LDLRAD3: variants seen among roughly 807,000 people sequenced by gnomAD.
LDLRAD3 encodes low density lipoprotein receptor class A domain containing 3.
LDLRAD3 carries 20 observed loss-of-function variants against 29.4 expected under a neutral mutation model. The ratio of observed to expected loss-of-function variants is 0.68; its 90% CI spans 0.48 to 0.99. The LOEUF is 0.99. LDLRAD3 is among the 50% of genes least tolerant of loss of function. The probability of loss-of-function intolerance (pLI) is 0.00; values close to 1 mark genes in which losing one functional copy is unlikely to be tolerated. For missense variants in LDLRAD3, 420 were observed against 454.3 expected, an observed-to-expected ratio of 0.92 and a Z score of 0.69; for synonymous variants, 157 against 192.7, an observed-to-expected ratio of 0.81 and a Z score of 1.53.
At chr11:35,990,509 C>T (rs1043011047) in intron 1 of LDLRAD3, among the ~76,000 whole-genome samples, 1 of 152,048 alleles carries the variant, frequency 6.6e-6, no homozygotes, top group African/African-American at 2.4e-5. Context: ...CCTCTGTCTC[C>T]TGGGTTCAAG....
In LDLRAD3 at chr11:36,229,616, T is replaced by C; in HGVS notation, c.*219T>C. ...TCTGTTGTGCGTCTTTTCTGTCAGG[T>C]CACTCTTCCCTTGGGACCCGAGATC... is the stretch of plus-strand genomic sequence containing the variant. On this transcript the variant is annotated 3_prime_UTR_variant, in exon 6 of 6. Coordinates refer to ENST00000315571, the MANE Select transcript of LDLRAD3 (RefSeq NM_174902.4). 1 of 511,852 alleles carries C rather than the reference T, an allele frequency of 2.0e-6. No individual in the cohort carries two copies. Among genetic ancestry groups the C allele is most frequent in the Non-Finnish European group, 3.5e-6 (1 of 288,624 alleles). The allele number at this position is 511,852 out of a possible 1,614,324, so 31.7% of individuals were successfully genotyped here.
intron 1 of LDLRAD3, among the ~76,000 whole-genome samples, chr11:36,005,867 G>A (rs1851878642): frequency 6.6e-6 from 1 of 152,178 alleles, no homozygotes; most frequent in Admixed American, 6.5e-5. Flanking sequence ...AGGAGAGAGA[G>A]AGCGCGAAGG....
At chr11:35,952,339 A>G (rs1253626943) in intron 1 of LDLRAD3, among the ~76,000 whole-genome samples, 1 of 152,206 alleles carries the variant, frequency 6.6e-6, no homozygotes, top group Non-Finnish European at 1.5e-5. Flanking sequence ...GAATTCCAGC[A>G]TTGCATAGGG....
At chr11:36,094,794 C>T (rs1853334892) in intron 3 of LDLRAD3, among the ~76,000 whole-genome samples, 2 of 152,236 alleles carry the variant, frequency 1.3e-5, no homozygotes, top group East Asian at 3.9e-4. Flanking sequence ...ACCTCAGCCT[C>T]CCAAAGTGCT....
chr11:35,945,382 A>G (rs1383821728), intron 1 of LDLRAD3, among the ~76,000 whole-genome samples: 1 of 152,120 alleles, frequency 6.6e-6, no homozygotes, highest in African/African-American at 2.4e-5. Flanking sequence ...CTGCTCTCAG[A>G]CCCATGACAT....
At chr11:35,986,693 G>C (rs573016626) in intron 1 of LDLRAD3, among the ~76,000 whole-genome samples, 68 of 152,314 alleles carry the variant, frequency 4.5e-4, no homozygotes, top group African/African-American at 1.5e-3. Flanking sequence ...GTTGTTGCCA[G>C]CTCCTCTGTT....
At chr11:36,055,714 A>G (rs969215070) in intron 2 of LDLRAD3, among the ~76,000 whole-genome samples, 7 of 152,244 alleles carry the variant, frequency 4.6e-5, no homozygotes, top group African/African-American at 1.7e-4. Context: ...GGTGCAAAGA[A>G]TGAACTCTTG....
At chr11:36,030,329 T>C (rs192487408) in intron 1 of LDLRAD3, among the ~76,000 whole-genome samples, 93 of 152,318 alleles carry the variant, frequency 6.1e-4, no homozygotes, top group Non-Finnish European at 8.4e-4. Flanking sequence ...CTGATGCTAC[T>C]GTGTGGAGCA....
chr11:35,997,930 A>G (rs1384723870), intron 1 of LDLRAD3, among the ~76,000 whole-genome samples: 2 of 152,114 alleles, frequency 1.3e-5, no homozygotes, highest in Non-Finnish European at 2.9e-5. Context: ...TTGGCTGAAG[A>G]TGTCGGGTTT....
At chr11:35,957,539 G>T in intron 1 of LDLRAD3, among the ~76,000 whole-genome samples, 1 of 152,164 alleles carries the variant, frequency 6.6e-6, no homozygotes, top group East Asian at 1.9e-4. Flanking sequence ...GCTCATGCCT[G>T]TTATCCCAGC....
intron 4 of LDLRAD3, chr11:36,183,963 CTTTTTTT>C (rs547281058): frequency 9.1e-6 from 2 of 220,614 alleles, no homozygotes; most frequent in South Asian, 4.1e-5. Flanking sequence ...TATATTTCAT[CTTTTTTT>C]TTTTTTTTTT....
At chr11:36,033,120 G>A (rs575900986) in intron 1 of LDLRAD3, among the ~76,000 whole-genome samples, 4 of 152,168 alleles carry the variant, frequency 2.6e-5, no homozygotes, top group East Asian at 3.9e-4. Flanking sequence ...TGATCCACCC[G>A]CCTCGGCCTC....
intron 1 of LDLRAD3, among the ~76,000 whole-genome samples, chr11:35,948,042 T>C (rs1565116670): frequency 6.6e-6 from 1 of 152,182 alleles, no homozygotes; most frequent in Non-Finnish European, 1.5e-5. Context: ...CCTTTTGCTG[T>C]GTGTGTGGGT....
intron 2 of LDLRAD3, among the ~76,000 whole-genome samples, chr11:36,043,716 C>T (rs777644995): frequency 1.6e-4 from 25 of 152,098 alleles, no homozygotes; most frequent in Non-Finnish European, 2.8e-4. Context: ...TTGGCTTTCT[C>T]GTATGAGTGA....
chr11:36,020,227 A>G (rs1852078879), intron 1 of LDLRAD3, among the ~76,000 whole-genome samples: 1 of 152,200 alleles, frequency 6.6e-6, no homozygotes, highest in Non-Finnish European at 1.5e-5. Context: ...AGAAAATCCT[A>G]GGGTCCATAG....
intron 4 of LDLRAD3, among the ~76,000 whole-genome samples, chr11:36,157,209 C>A (rs747347854): frequency 6.6e-6 from 1 of 152,330 alleles, no homozygotes; most frequent in East Asian, 1.9e-4. Context: ...CAGTTTCCTG[C>A]ACCCCCGAAA....
chr11:36,101,460 G>T (rs1054589087), intron 4 of LDLRAD3, among the ~76,000 whole-genome samples: 4 of 152,186 alleles, frequency 2.6e-5, no homozygotes, highest in Non-Finnish European at 4.4e-5. Flanking sequence ...TTTAAGTTAT[G>T]TGAGTTCAGA....
intron 4 of LDLRAD3, among the ~76,000 whole-genome samples, chr11:36,110,288 T>C (rs561376783): frequency 6.6e-6 from 1 of 152,328 alleles, no homozygotes; most frequent in African/African-American, 2.4e-5. Flanking sequence ...GTTTCTTTAG[T>C]CTCCCCCATT....
intron 3 of LDLRAD3, among the ~76,000 whole-genome samples, chr11:36,089,171 A>G (rs1479777364): frequency 6.6e-6 from 1 of 152,216 alleles, no homozygotes; most frequent in Non-Finnish European, 1.5e-5. Flanking sequence ...CTTTCAGGGC[A>G]AGTGAACTGC....
Sources: allele counts gnomAD v4.1 joint callset (sites outside exome capture counted in the v4.1 genomes callset), GRCh38; gene constraint gnomAD v4.1.1; transcripts MANE v1.5; gene names NCBI Gene and HGNC (gene_info 2026-07-23, HGNC 2026-07-21).